CAMSAP1: variants seen among roughly 807,000 people sequenced by gnomAD.
CAMSAP1 encodes the protein calmodulin regulated spectrin associated protein 1, also known as calmodulin-regulated spectrin-associated protein 1.
In CAMSAP1, 58 loss-of-function variants were observed where a neutral mutation model predicts 143.5. The observed-to-expected ratio is 0.40, with a 90% CI of 0.33 to 0.50. The LOEUF (loss-of-function observed/expected upper bound fraction) is 0.50, where lower values mean the gene tolerates loss of function less well. Among genes scored for constraint, CAMSAP1 ranks in the 20% least tolerant of loss-of-function variants. The pLI is 0.45. For synonymous variants in CAMSAP1, 945 were observed against 859.3 expected (o/e 1.10, Z -1.74); for missense variants, 1,969 against 2,115.7 (o/e 0.93, Z 1.36).
chr9:135,816,321 A>G (rs730399), intron 14 of CAMSAP1, among the ~76,000 whole-genome samples: 53,251 of 152,134 alleles, frequency 0.35, 10,935 homozygotes, highest in African/African-American at 0.58. Context: ...GGCACAGCAC[A>G]GGGCACAGTG....
chr9:135,858,079 G>T (rs115302222), intron 5 of CAMSAP1, among the ~76,000 whole-genome samples: 2 of 151,496 alleles, frequency 1.3e-5, no homozygotes, highest in African/African-American at 4.9e-5. Flanking sequence ...TTGGTGCTCC[G>T]TTCTGCTGTC....
At chr9:135,870,843 T>G (rs1041149504) in intron 3 of CAMSAP1, among the ~76,000 whole-genome samples, 1 of 152,176 alleles carries the variant, frequency 6.6e-6, no homozygotes, top group African/African-American at 2.4e-5. Flanking sequence ...ACTAGTACAT[T>G]TTAACAATAG....
In CAMSAP1 at chr9:135,822,881, G is replaced by T. The variant is rs759990335; in HGVS notation, c.1780C>A (p.Pro594Thr). The change falls in exon 11 of 17, where the codon CCT (proline) becomes ACT (threonine). Residue 594 changes from proline (P) to threonine (T), a missense_variant. Physicochemically the swap from Pro to Thr is conservative, Grantham distance 38 (BLOSUM62 -1). Around this residue, in one of 4 missense-constraint regions of CAMSAP1, gnomAD observed 1,390 missense variants for 1,420.8 expected, o/e 0.98. Coordinates refer to ENST00000389532, the MANE Select transcript of CAMSAP1 (RefSeq NM_015447.4). This position sits in a 1 kb window ranked among gnomAD's most constrained non-coding sequence, Gnocchi z 6.1. ...GGCTTAAGAACTGCTGGCATCAAAG[G>T]CTCCAAGAAAAAACTGTCAGGCTTA... is the stretch of plus-strand genomic sequence containing the variant. ...ESKPDSFFLE[P>T]LMPAVLKPAK... 4 of 1,613,772 alleles carry T rather than the reference G, an allele frequency of 2.5e-6. No individual in the cohort carries two copies. Among genetic ancestry groups the T allele is most frequent in the East Asian group, 4.5e-5 (2 of 44,884 alleles).
At chr9:135,847,955 A>AAGGGGACGGGGAGGGGGAGGGGGC (rs1836635097) in intron 7 of CAMSAP1, among the ~76,000 whole-genome samples, 1 of 15,468 alleles carries the variant, frequency 6.5e-5, no homozygotes, top group Non-Finnish European at 1.3e-4. Context: ...GTGGGGGGGG[A>AAGGGGACGGGGAGGGGGAGGGGGC]GGGGGAGGAG....
At chr9:135,906,890 C>T in intron 1 of CAMSAP1, 110 bp downstream of exon 1, 2 of 634,440 alleles carry the variant, frequency 3.2e-6, no homozygotes, top group Non-Finnish European at 3.9e-6. Context: ...CCTGTGCGGA[C>T]GCGGCACAAA....
chr9:135,878,186 C>G (rs1235690372), intron 3 of CAMSAP1, among the ~76,000 whole-genome samples: 1 of 152,184 alleles, frequency 6.6e-6, no homozygotes, highest in Admixed American at 6.5e-5. Flanking sequence ...GGGACCCCGG[C>G]CAGGAGGAGA....
intron 5 of CAMSAP1, among the ~76,000 whole-genome samples, chr9:135,859,788 A>G (rs1196904620): frequency 6.6e-6 from 1 of 152,200 alleles, no homozygotes; most frequent in Non-Finnish European, 1.5e-5. Context: ...TCACATGATC[A>G]TAATTGGCAA....
At chr9:135,856,961 C>A (rs1045337208) in intron 5 of CAMSAP1, among the ~76,000 whole-genome samples, 3 of 152,222 alleles carry the variant, frequency 2.0e-5, no homozygotes, top group Non-Finnish European at 4.4e-5. Context: ...CACACACTCC[C>A]CAGCACTGGG....
Position 135,820,773 on chromosome 9 carries a change from AACTC to A in CAMSAP1, c.3822+62_3822+65del, listed in dbSNP as rs1835414985. On this transcript the variant is annotated intron_variant, in intron 11 of 16. Coordinates refer to ENST00000389532, the MANE Select transcript of CAMSAP1 (RefSeq NM_015447.4). This position sits in a 1 kb window ranked among gnomAD's most constrained non-coding sequence, Gnocchi z 4.4. ...AGCCTGGTGCAGATCTGTGTTCTCT[AACTC>A]ACTATCACGTGGGGTGGCAACACAT... The A allele has an allele frequency of 6.4e-6, 10 of 1,564,878 alleles. No individual in the cohort carries two copies. Among genetic ancestry groups the A allele is most frequent in the African/African-American group, 1.4e-5 (1 of 73,764 alleles).
chr9:135,846,119 G>A (rs903004419), intron 7 of CAMSAP1, among the ~76,000 whole-genome samples: 3 of 142,546 alleles, frequency 2.1e-5, no homozygotes, highest in Admixed American at 1.4e-4. Flanking sequence ...CATGCTACCT[G>A]ACTTCAAACT....
intron 7 of CAMSAP1, among the ~76,000 whole-genome samples, chr9:135,846,006 T>A (rs1175827835): frequency 1.3e-4 from 17 of 127,690 alleles, no homozygotes; most frequent in African/African-American, 4.5e-4. Flanking sequence ...CACAGAATTT[T>A]AAAAAAACTA....
At chr9:135,855,109 A>G (rs1420195464) in intron 5 of CAMSAP1, among the ~76,000 whole-genome samples, 1 of 151,914 alleles carries the variant, frequency 6.6e-6, no homozygotes, top group Non-Finnish European at 1.5e-5. Context: ...TTCCTGCCTG[A>G]GCCTCCCGAG....
chr9:135,873,807 T>C lies in CAMSAP1; in HGVS notation c.586-7271A>G, dbSNP rs964049042. Among the ~76,000 whole-genome samples the C allele has an allele frequency of 2.6e-5, 4 of 152,264 alleles. No individual in the cohort carries two copies. In the East Asian group the frequency reaches 7.7e-4, roughly 29 times the overall value. ...CGTCTAAGAAAACTCCACTCCCAGA[T>C]TGCTTTACCAGTGAATTTAATATTT... On this transcript the variant is annotated intron_variant, in intron 3 of 16. Transcript: ENST00000389532.
chr9:135,823,340 C>T lies in CAMSAP1; in HGVS notation c.1401-80G>A, dbSNP rs370483569. On this transcript the variant is annotated intron_variant, in intron 10 of 16. Transcript: ENST00000389532. ...AACATGGACCAGGGGGTGAGAATGCCGGCCACACAAAGAGAATACGCCTCT... is the reference window on the plus strand; with the variant it reads ...AACATGGACCAGGGGGTGAGAATGCTGGCCACACAAAGAGAATACGCCTCT... 2.8e-4 allele frequency: 415 copies of T among 1,457,290 alleles called. 3 individuals are homozygous for T. In the South Asian group the frequency reaches 5.6e-3, roughly 20 times the overall value. The allele number at this position is 1,457,290 out of a possible 1,614,324, so 90.3% of individuals were successfully genotyped here.
Position 135,818,995 on chromosome 9 carries a change from C to A in CAMSAP1, c.3959+15G>T. On this transcript the variant is annotated intron_variant, in intron 12 of 16. Transcript: ENST00000389532. This position sits in a 1 kb window ranked among gnomAD's most constrained non-coding sequence, Gnocchi z 7.7. ...CTCCTGCTCAGTCTGCTTTCCCCCCCGGCGGGACGCTTACCGGGCTTCGTC... is the reference window on the plus strand; with the variant it reads ...CTCCTGCTCAGTCTGCTTTCCCCCCAGGCGGGACGCTTACCGGGCTTCGTC... 1 of 1,603,340 alleles carries A rather than the reference C, an allele frequency of 6.2e-7. No individual in the cohort carries two copies. The highest frequency in any genetic ancestry group is 8.5e-7 in the Non-Finnish European group (1 of 1,178,582).
chr9:135,887,491 G>A (rs1387447359), intron 1 of CAMSAP1, among the ~76,000 whole-genome samples: 1 of 152,216 alleles, frequency 6.6e-6, no homozygotes, highest in African/African-American at 2.4e-5. Flanking sequence ...TTTAAGGATT[G>A]GAGAAACGGT....
In CAMSAP1 at chr9:135,822,698, A is replaced by G. The variant is rs539517264; in HGVS notation, c.1963T>C (p.Cys655Arg). 1,265 of 1,610,370 alleles carry G rather than the reference A, an allele frequency of 7.9e-4. 14 individuals are homozygous for G. The South Asian group carries it at 0.013, about 16-fold the overall frequency. ...TCGATGCCCATGGGGAATTCTGAGC[A>G]TGGAATCGGGGTAAAAGTCCTATTC... Reference protein sequence around the residue: ...DLNRTFTPIPCSEFPMGIDPT... With the variant: ...DLNRTFTPIPRSEFPMGIDPT... Residue 655 changes from cysteine (C) to arginine (R), a missense_variant, in exon 11 of 17, where the codon TGC (cysteine) becomes CGC (arginine). Transcript: ENST00000389532. This position sits in a 1 kb window ranked among gnomAD's most constrained non-coding sequence, Gnocchi z 6.1.
At chr9:135,906,745 C>T (rs1412080769) in intron 1 of CAMSAP1, among the ~76,000 whole-genome samples, 2 of 151,964 alleles carry the variant, frequency 1.3e-5, no homozygotes, top group African/African-American at 4.8e-5. Flanking sequence ...GGGGGCACTC[C>T]CGAAATAGGA....
chr9:135,813,103 T>C (rs1197833486), intron 16 of CAMSAP1, among the ~76,000 whole-genome samples: 1 of 152,162 alleles, frequency 6.6e-6, no homozygotes, highest in Non-Finnish European at 1.5e-5. Context: ...GGAATGGGAG[T>C]GCACCTGGGT....
Sources: gnomAD v4.1 joint callset for allele counts (sites outside exome capture counted in the v4.1 genomes callset) on GRCh38, gnomAD v4.1.1 for gene constraint, gnomAD v4.1.1 regional missense constraint, Gnocchi (gnomAD v3.1) non-coding constraint, MANE v1.5 for transcripts, NCBI Gene and HGNC (gene_info 2026-07-23, HGNC 2026-07-21) for gene names.